Variants in PTK2B observed in about 807,000 individuals in gnomAD.
PTK2B encodes protein-tyrosine kinase 2-beta.
PTK2B carries 71 observed loss-of-function variants against 142.9 expected under a neutral mutation model. That is an observed-to-expected ratio of 0.50 (90% CI 0.41 to 0.61). PTK2B has a LOEUF of 0.61. Ranked by LOEUF, PTK2B falls within the 20% of genes least tolerant of loss-of-function variation. The pLI is 0.00. For missense variants in PTK2B, 1,105 were observed against 1,320.4 expected (o/e 0.84, Z 2.53); for synonymous variants, 519 against 503.4 (o/e 1.03, Z -0.42).
chr8:27,436,439 C>G, intron 15 of PTK2B, 91 bp downstream of exon 15: 1 of 1,285,064 alleles, frequency 7.8e-7, no homozygotes, highest in South Asian at 1.3e-5. Context: ...GTTGGCACAG[C>G]CTTCATCCAC....
intron 1 of PTK2B, among the ~76,000 whole-genome samples, chr8:27,349,622 C>T (rs995736349): frequency 6.6e-6 from 1 of 152,178 alleles, no homozygotes; most frequent in Non-Finnish European, 1.5e-5. Flanking sequence ...TAAAATGGAG[C>T]GAAGAGCACC....
chr8:27,346,487 A>G (rs563432563), intron 1 of PTK2B, among the ~76,000 whole-genome samples: 1 of 152,350 alleles, frequency 6.6e-6, no homozygotes, highest in South Asian at 2.1e-4. Flanking sequence ...TTGAGGCTAC[A>G]GTGAGCCGTG....
chr8:27,438,509 G>A (rs563606072), intron 18 of PTK2B, among the ~76,000 whole-genome samples: 1 of 8,500 alleles, frequency 1.2e-4, no homozygotes, highest in South Asian at 3.0e-3. Flanking sequence ...TATCCTAAGT[G>A]CCCCATCAGA....
intron 1 of PTK2B, among the ~76,000 whole-genome samples, chr8:27,357,968 G>T (rs973701834): frequency 6.6e-6 from 1 of 152,098 alleles, no homozygotes; most frequent in Non-Finnish European, 1.5e-5. Flanking sequence ...TTTGAAGCTC[G>T]GTTTCTACTC....
intron 1 of PTK2B, among the ~76,000 whole-genome samples, chr8:27,361,399 T>A (rs983408276): frequency 2.6e-5 from 4 of 152,090 alleles, no homozygotes; most frequent in African/African-American, 9.7e-5. Context: ...TTTATTTTAC[T>A]TTTTGTACAG....
chr8:27,340,945 CG>C (rs1804360174), intron 1 of PTK2B, among the ~76,000 whole-genome samples: 1 of 152,190 alleles, frequency 6.6e-6, no homozygotes, highest in South Asian at 2.1e-4. Flanking sequence ...CTTGGCCAGG[CG>C]GGTAAGAACC....
intron 1 of PTK2B, among the ~76,000 whole-genome samples, chr8:27,353,982 G>A (rs891720166): frequency 2.6e-5 from 4 of 152,158 alleles, no homozygotes; most frequent in African/African-American, 9.7e-5. Flanking sequence ...GATTCAGGAA[G>A]CAGCTGAACT....
chr8:27,400,151 T>G (rs1212397098), intron 2 of PTK2B, among the ~76,000 whole-genome samples: 1 of 152,178 alleles, frequency 6.6e-6, no homozygotes, highest in African/African-American at 2.4e-5. Context: ...AACAACATGG[T>G]GTTCTGCAAG....
intron 2 of PTK2B, among the ~76,000 whole-genome samples, chr8:27,418,753 C>T (rs1586279730): frequency 1.3e-5 from 2 of 152,160 alleles, no homozygotes; most frequent in African/African-American, 2.4e-5. Context: ...AAAGTCCGGG[C>T]GCGGTGGCTC....
At position 27,451,076 on chromosome 8, in the gene PTK2B, T is replaced by G; in HGVS notation, c.2521T>G (p.Leu841Val). 2 of 1,612,476 alleles carry G rather than the reference T, an allele frequency of 1.2e-6. No homozygotes were observed. The highest frequency in any genetic ancestry group is 2.2e-5 in the East Asian group (1 of 44,864). Residue 841 changes from leucine (L) to valine (V), a missense_variant and splice_region_variant, in exon 26 of 31, where the codon TTG (leucine) becomes GTG (valine). Physicochemically the swap from Leu to Val is conservative, Grantham distance 32. Coordinates refer to ENST00000346049, the MANE Select transcript of PTK2B (RefSeq NM_173176.3). ...PMVYMNDKSP[L>V]TPEKEVGYLE... Reference sequence around the variant, plus strand: ...GGTTTATATGAATGATAAGTCCCCATTGGTGAGTTGCCAGGAGAGGCCGCC... The same window carrying G: ...GGTTTATATGAATGATAAGTCCCCAGTGGTGAGTTGCCAGGAGAGGCCGCC...
At chr8:27,453,752 G>A (rs1483894049) in intron 28 of PTK2B, among the ~76,000 whole-genome samples, 1 of 152,086 alleles carries the variant, frequency 6.6e-6, no homozygotes, top group Non-Finnish European at 1.5e-5. Context: ...GGACTTGGTG[G>A]CACGCCTGCT....
intron 1 of PTK2B, among the ~76,000 whole-genome samples, chr8:27,386,486 A>T (rs1351702033): frequency 6.6e-6 from 1 of 151,972 alleles, no homozygotes; most frequent in South Asian, 2.1e-4. Context: ...TAATAGGTTT[A>T]TGGTGGTTCC....
chr8:27,408,668 G>A (rs1808873103), intron 2 of PTK2B, among the ~76,000 whole-genome samples: 1 of 152,146 alleles, frequency 6.6e-6, no homozygotes, highest in African/African-American at 2.4e-5. Flanking sequence ...ATATCACTGG[G>A]GGATCGCTGT....
chr8:27,321,997 CT>C (rs549210899), upstream of PTK2B, among the ~76,000 whole-genome samples: 208 of 144,912 alleles, frequency 1.4e-3, no homozygotes, highest in African/African-American at 1.4e-3. Context: ...TTCTTTGTCC[CT>C]TTTTTTTTTT....
At chr8:27,377,809 C>T (rs1214980353) in intron 1 of PTK2B, among the ~76,000 whole-genome samples, 1 of 152,190 alleles carries the variant, frequency 6.6e-6, no homozygotes, top group Non-Finnish European at 1.5e-5. Flanking sequence ...CCCAAGAGCA[C>T]AGTTCACAGG....
intron 1 of PTK2B, among the ~76,000 whole-genome samples, chr8:27,386,080 G>A (rs1162337228): frequency 1.3e-5 from 2 of 152,086 alleles, no homozygotes; most frequent in Non-Finnish European, 2.9e-5. Flanking sequence ...TGTGGATTGT[G>A]TTTTTATGTA....
chr8:27,458,910 G>A lies in PTK2B; in HGVS notation c.*401G>A. 2.9e-6 allele frequency: 1 copy of A among 343,572 alleles called. No homozygotes were observed. The highest frequency in any genetic ancestry group is 5.4e-6 in the Non-Finnish European group (1 of 183,886). 21.3% of individuals were successfully genotyped at this position (343,572 alleles called of 1,614,324 possible). On this transcript the variant is annotated 3_prime_UTR_variant, in exon 31 of 31. Transcript: ENST00000346049. ...CCTTTCCCTTCCTCTTCGGCCCTCA[G>A]ATGTCCCTTGATGCACAGAGAAGCT...
At chr8:27,336,179 AAAG>A (rs1229794809) in intron 1 of PTK2B, among the ~76,000 whole-genome samples, 1 of 152,162 alleles carries the variant, frequency 6.6e-6, no homozygotes, top group East Asian at 1.9e-4. Context: ...GAACTCCCTG[AAAG>A]AAGATATGTG....
chr8:27,392,585 GAT>G (rs1041015126), intron 1 of PTK2B, among the ~76,000 whole-genome samples: 60 of 152,142 alleles, frequency 3.9e-4, no homozygotes, highest in Admixed American at 1.6e-3. Context: ...ACTTGCACAA[GAT>G]TTTAGAGCCA....
Sources: gnomAD v4.1 joint callset for allele counts (sites outside exome capture counted in the v4.1 genomes callset) on GRCh38, gnomAD v4.1.1 for gene constraint, MANE v1.5 for transcripts, NCBI Gene and HGNC (gene_info 2026-07-23, HGNC 2026-07-21) for gene names.